The following IFNLR1 variants were observed in gnomAD, a reference collection of about 807,000 sequenced individuals.
IFNLR1 encodes interferon lambda receptor 1.
In IFNLR1, 28 loss-of-function variants were observed where a neutral mutation model predicts 52.5. The ratio of observed to expected loss-of-function variants is 0.53; its 90% confidence interval spans 0.40 to 0.73. IFNLR1 has a LOEUF of 0.73. IFNLR1 is among the 30% of genes least tolerant of loss of function. IFNLR1 has a pLI of 0.00. For missense variants in IFNLR1, 623 were observed against 659.1 expected (o/e 0.95, Z 0.60); for synonymous variants, 276 against 274.9 (o/e 1.00, Z -0.04).
At position 24,156,985 on chromosome 1, in the gene IFNLR1, A is replaced by G; in HGVS notation, c.*145T>C. 1.1e-6 allele frequency: 1 copy of G among 881,422 alleles called. No homozygotes were observed. Among genetic ancestry groups the G allele is most frequent in the Non-Finnish European group, 1.7e-6 (1 of 572,988 alleles). 54.6% of individuals were successfully genotyped at this position (881,422 alleles called of 1,614,324 possible). ...ATCTTGTTGCTCAGCCCGACAGGCA[A>G]ACAGCCGCTAGGTGGACTTCCCGGA... On this transcript the variant is annotated 3_prime_UTR_variant, in exon 7 of 7. Transcript: ENST00000327535.
intron 4 of IFNLR1, chr1:24,161,283 G>A (rs1156978749): frequency 6.8e-6 from 4 of 588,858 alleles, no homozygotes; most frequent in Non-Finnish European, 9.2e-6. Context: ...TCATCTCTGG[G>A]TACTTTTGGT....
At chr1:24,159,671 T>A in intron 4 of IFNLR1, 38 bp from the exon 5 acceptor site, 1 of 1,601,728 alleles carries the variant, frequency 6.2e-7, no homozygotes, top group Non-Finnish European at 8.5e-7. Flanking sequence ...AGAGCTGCTG[T>A]GGGGACTGGT....
At chr1:24,179,895 G>A (rs367957368) in intron 2 of IFNLR1, among the ~76,000 whole-genome samples, 28 of 152,294 alleles carry the variant, frequency 1.8e-4, no homozygotes, top group African/African-American at 6.3e-4. Context: ...AACTCTGAAC[G>A]ATTCCCATCT....
intron 2 of IFNLR1, among the ~76,000 whole-genome samples, chr1:24,179,117 A>ATT (rs1003979824): frequency 6.9e-6 from 1 of 144,456 alleles, no homozygotes; most frequent in African/African-American, 2.5e-5. Flanking sequence ...AATTTTTTGT[A>ATT]TTTTTTTTTT....
chr1:24,162,861 T>TTC (rs1553162212), intron 3 of IFNLR1, among the ~76,000 whole-genome samples: 1 of 83,860 alleles, frequency 1.2e-5, no homozygotes, highest in East Asian at 4.7e-4. Context: ...CTTTCTTTCT[T>TTC]TCTTTCTTTC....
intron 3 of IFNLR1, among the ~76,000 whole-genome samples, chr1:24,165,399 G>A (rs1358568689): frequency 2.6e-5 from 4 of 152,114 alleles, no homozygotes; most frequent in Non-Finnish European, 5.9e-5. Context: ...GTGTTAGTGC[G>A]TCTACTAACA....
intron 4 of IFNLR1, among the ~76,000 whole-genome samples, chr1:24,159,834 C>G (rs1350589795): frequency 1.3e-5 from 2 of 150,968 alleles, no homozygotes; most frequent in African/African-American, 4.9e-5. Flanking sequence ...GCCTCAAACT[C>G]CTGGGCTCAA....
intron 2 of IFNLR1, among the ~76,000 whole-genome samples, chr1:24,176,549 T>C (rs1323803705): frequency 6.6e-6 from 1 of 152,244 alleles, no homozygotes; most frequent in Non-Finnish European, 1.5e-5. Context: ...CAAGCTATGA[T>C]AAGAAATGTG....
At chr1:24,186,843 C>A (rs1644744129) in intron 1 of IFNLR1, among the ~76,000 whole-genome samples, 2 of 152,188 alleles carry the variant, frequency 1.3e-5, no homozygotes, top group South Asian at 4.1e-4. Flanking sequence ...ACTTTAGGGT[C>A]AAGTGTGGTT....
chr1:24,170,954 T>C (rs1644572772), intron 2 of IFNLR1, among the ~76,000 whole-genome samples: 1 of 152,200 alleles, frequency 6.6e-6, no homozygotes, highest in South Asian at 2.1e-4. Flanking sequence ...TGTTTCTTCA[T>C]GGAAAATGTT....
intron 3 of IFNLR1, among the ~76,000 whole-genome samples, chr1:24,164,039 T>A (rs1430878516): frequency 6.6e-6 from 1 of 152,076 alleles, no homozygotes; most frequent in Non-Finnish European, 1.5e-5. Context: ...CGGGGTACAG[T>A]TTCTCTCTAT....
chr1:24,169,407 AC>A lies in IFNLR1; in HGVS notation c.367+9del. The A allele has an allele frequency of 6.2e-7, 1 of 1,611,790 alleles. No individual in the cohort carries two copies. The highest frequency in any genetic ancestry group is 8.5e-7 in the Non-Finnish European group (1 of 1,178,512). On this transcript the variant is annotated intron_variant, in intron 3 of 6. Transcript: ENST00000327535. ...CAGCCTTCCACTCAGTCCCTTACCC[AC>A]AGACCTACCTTCAAAAAGGTAATCC...
chr1:24,168,892 T>C (rs540395062), intron 3 of IFNLR1, among the ~76,000 whole-genome samples: 68 of 152,228 alleles, frequency 4.5e-4, no homozygotes, highest in Non-Finnish European at 7.6e-4. Flanking sequence ...TACAGGTGCC[T>C]GCCACCAAGC....
chr1:24,173,526 G>A (rs1216637851), intron 2 of IFNLR1, among the ~76,000 whole-genome samples: 1 of 152,142 alleles, frequency 6.6e-6, no homozygotes, highest in Non-Finnish European at 1.5e-5. Flanking sequence ...GAAACAGCTC[G>A]ACAGTTCCCT....
In IFNLR1 at chr1:24,157,624, G is replaced by A. The variant is rs763529301; in HGVS notation, c.1069C>T (p.Pro357Ser). The A allele has an allele frequency of 3.7e-6, 6 of 1,607,570 alleles. No individual in the cohort carries two copies. Among genetic ancestry groups the A allele is most frequent in the East Asian group, 2.2e-5 (1 of 44,820 alleles). Residue 357 changes from proline to serine, a missense_variant, in exon 7 of 7, where the codon CCA becomes TCA. Coordinates refer to ENST00000327535, the MANE Select transcript of IFNLR1 (RefSeq NM_170743.4). This position sits in a 1 kb window ranked among gnomAD's most constrained non-coding sequence, Gnocchi z 5.1. ...PSFLGQEHQA[P>S]GHSEAGGVDS... ...ACCCCACCAGCCTCCGAGTGCCCTG[G>A]AGCCTGGTGCTCTTGCCCCAGGAAA...
chr1:24,159,117 C>G lies in IFNLR1; in HGVS notation c.736G>C (p.Gly246Arg). Residue 246 changes from glycine to arginine, a missense_variant, in exon 6 of 7, where the codon GGT (glycine) becomes CGT (arginine). Physicochemically the swap from Gly to Arg is moderately radical, Grantham distance 125. Transcript: ENST00000327535. The stretch of plus-strand genomic sequence containing the variant: ...CCCATGAGGGTCTTCCAGATCACAC[C>G]CCCTGCGGCAATTACTAACAGCAGT... ...LILLLVIAAG[G>R]VIWKTLMGNP... 1 of 1,614,142 alleles carries G rather than the reference C, an allele frequency of 6.2e-7. No individual in the cohort carries two copies. Among genetic ancestry groups the G allele is most frequent in the Non-Finnish European group, 8.5e-7 (1 of 1,180,000 alleles).
At chr1:24,162,747 T>G (rs1644461726) in intron 3 of IFNLR1, among the ~76,000 whole-genome samples, 1 of 28,266 alleles carries the variant, frequency 3.5e-5, no homozygotes, top group Non-Finnish European at 7.1e-5. Context: ...TTTCTTTCTT[T>G]CTTTCTTTCT....
intron 2 of IFNLR1, among the ~76,000 whole-genome samples, chr1:24,179,335 C>G (rs1644665444): frequency 6.6e-6 from 1 of 152,198 alleles, no homozygotes; most frequent in Non-Finnish European, 1.5e-5. Context: ...AACATGCACC[C>G]TTGGTGCTTC....
intron 2 of IFNLR1, among the ~76,000 whole-genome samples, chr1:24,169,843 C>A (rs1644560915): frequency 6.6e-6 from 1 of 152,212 alleles, no homozygotes. Flanking sequence ...GGACCATGGG[C>A]AGGTCCTTGC....
Sources: allele counts gnomAD v4.1 joint callset (sites outside exome capture counted in the v4.1 genomes callset), GRCh38; gene constraint gnomAD v4.1.1; non-coding constraint Gnocchi (gnomAD v3.1); transcripts MANE v1.5; gene names NCBI Gene and HGNC (gene_info 2026-07-23, HGNC 2026-07-21).